Variants in PIK3C2G observed in about 807,000 individuals in gnomAD.
PIK3C2G encodes phosphatidylinositol-4-phosphate 3-kinase catalytic subunit type 2 gamma, also known as phosphatidylinositol 3-kinase C2 domain-containing subunit gamma.
Under a neutral mutation model 181.1 loss-of-function variants are expected in PIK3C2G, and 168 were observed. The observed-to-expected ratio is 0.93, with a 90% confidence interval of 0.82 to 1.05. PIK3C2G has a LOEUF of 1.05. Among genes scored for constraint, PIK3C2G ranks in the 50% least tolerant of loss-of-function variants. The pLI is 0.00. For synonymous variants in PIK3C2G, 573 were observed against 592.2 expected (o/e 0.97, Z 0.47); for missense variants, 1,869 against 1,732.8 (o/e 1.08, Z -1.40).
intron 5 of PIK3C2G, among the ~76,000 whole-genome samples, chr12:18,313,348 T>A (rs1950718676): frequency 6.6e-6 from 1 of 152,178 alleles, no homozygotes; most frequent in South Asian, 2.1e-4. Flanking sequence ...TAGGTATAAT[T>A]CTTTTGTTTA....
chr12:18,528,127 T>G (rs904632385), intron 24 of PIK3C2G, among the ~76,000 whole-genome samples: 5 of 152,168 alleles, frequency 3.3e-5, no homozygotes, highest in Non-Finnish European at 7.3e-5. Context: ...TGTTGCTTAA[T>G]TATCTAATGT....
intron 13 of PIK3C2G, 135 bp downstream of exon 13, chr12:18,371,446 G>A (rs186246799): frequency 9.8e-5 from 68 of 697,048 alleles, no homozygotes; most frequent in African/African-American, 8.1e-4. Flanking sequence ...AATATAAATC[G>A]TGACTGCTGA....
At chr12:18,716,535 G>C in the PIK3C2G span, among the ~76,000 whole-genome samples, 1 of 152,162 alleles carries the variant, frequency 6.6e-6, no homozygotes, top group Non-Finnish European at 1.5e-5. Flanking sequence ...TTTGGAAACA[G>C]AGAAAATTTC....
chr12:18,403,243 G>C (rs370617587), intron 16 of PIK3C2G, among the ~76,000 whole-genome samples: 1 of 152,112 alleles, frequency 6.6e-6, no homozygotes, highest in South Asian at 2.1e-4. Context: ...TTTTAAAGTA[G>C]AAGGTGTTTA....
At position 18,313,977 on chromosome 12, in the gene PIK3C2G, G is replaced by A; in HGVS notation, c.1050G>A (p.Gly350=). The stretch of plus-strand genomic sequence containing the variant: ...CCTCCTTCAGCGACCACTGTTTGGG[G>A]AGCCACAAAATGTTTCAAAAAGATA... ...EEFLQNDHCL[G]SHKMFQKDKS... The change falls in exon 6 of 33, where the codon GGG becomes GGA. Residue 350 remains glycine, a synonymous_variant. Transcript: ENST00000538779. 1 of 1,582,720 alleles carries A rather than the reference G, an allele frequency of 6.3e-7. No homozygotes were observed. Among genetic ancestry groups the A allele is most frequent in the Non-Finnish European group, 8.6e-7 (1 of 1,160,994 alleles).
intron 30 of PIK3C2G, among the ~76,000 whole-genome samples, chr12:18,606,524 A>G (rs1948030770): frequency 6.6e-6 from 1 of 152,108 alleles, no homozygotes; most frequent in African/African-American, 2.4e-5. Flanking sequence ...TTATATTACC[A>G]TTGCAATTGT....
At chr12:18,364,023 T>C (rs1255618909) in intron 12 of PIK3C2G, among the ~76,000 whole-genome samples, 2 of 152,214 alleles carry the variant, frequency 1.3e-5, no homozygotes, top group Admixed American at 6.5e-5. Flanking sequence ...AATTTTTCAG[T>C]AGCTCTCCAA....
chr12:18,488,569 T>C lies in PIK3C2G; in HGVS notation c.2625T>C (p.Leu875=), dbSNP rs777678194. The change falls in exon 19 of 33, where the codon CTT becomes CTC. Residue 875 remains leucine (L), a synonymous_variant. Transcript: ENST00000538779. ...ATGAGTTTTCCAAGGAGCAGAAACT[T>C]ATCAAAATTCTGGGAGATATTGGGG... ...LNDEFSKEQK[L]IKILGDIGER... 9 of 1,577,486 alleles carry C rather than the reference T, an allele frequency of 5.7e-6. No homozygotes were observed. In the African/African-American group the frequency reaches 9.6e-5, roughly 17 times the overall value.
At chr12:18,575,363 A>C (rs989748480) in intron 29 of PIK3C2G, among the ~76,000 whole-genome samples, 8 of 152,222 alleles carry the variant, frequency 5.3e-5, no homozygotes, top group African/African-American at 1.9e-4. Flanking sequence ...AGTCCTCCAG[A>C]AGATCTCAAT....
chr12:18,719,768 T>C, the PIK3C2G span: 1 of 509,852 alleles, frequency 2.0e-6, no homozygotes, highest in Non-Finnish European at 3.2e-6. Flanking sequence ...ATATTAATAC[T>C]ATATTTATGT....
intron 4 of PIK3C2G, 47 bp from the exon 5 acceptor site, chr12:18,293,854 T>C (rs1159040594): frequency 5.6e-6 from 5 of 895,316 alleles, no homozygotes; most frequent in Non-Finnish European, 7.4e-6. Flanking sequence ...TCCTAGTCAG[T>C]ATATGATACA....
At chr12:18,401,741 C>A (rs1398248535) in intron 16 of PIK3C2G, among the ~76,000 whole-genome samples, 1 of 151,994 alleles carries the variant, frequency 6.6e-6, no homozygotes, top group Non-Finnish European at 1.5e-5. Context: ...TACACAAATG[C>A]CGAACATTTA....
chr12:18,651,445 T>G (rs1040833707), downstream of PIK3C2G, among the ~76,000 whole-genome samples: 47 of 152,218 alleles, frequency 3.1e-4, no homozygotes, highest in Non-Finnish European at 1.6e-4. Flanking sequence ...TTATGTATTT[T>G]GCTTATTATT....
chr12:18,310,291 G>A (rs1397235478), intron 5 of PIK3C2G, among the ~76,000 whole-genome samples: 6 of 151,870 alleles, frequency 4.0e-5, no homozygotes, highest in Non-Finnish European at 7.4e-5. Context: ...GTTATCAACT[G>A]ACCCTTCATC....
At position 18,475,066 on chromosome 12, in the gene PIK3C2G, G is replaced by A. The variant is rs550839738; in HGVS notation, c.2505-13383G>A. Among the ~76,000 whole-genome samples the A allele has an allele frequency of 3.9e-5, 6 of 151,908 alleles. No individual in the cohort carries two copies. In the South Asian group the frequency reaches 1.3e-3, roughly 32 times the overall value. On this transcript the variant is annotated intron_variant, in intron 18 of 32. Transcript: ENST00000538779. ...TCTCATAAGAACACAAGAACCGAAT[G>A]GTCCGGTGTGAAAAGACTTTTCTAA...
intron 18 of PIK3C2G, among the ~76,000 whole-genome samples, chr12:18,439,313 T>C (rs796778770): frequency 6.6e-6 from 1 of 152,016 alleles, no homozygotes; most frequent in Non-Finnish European, 1.5e-5. Flanking sequence ...AGTTGATACA[T>C]GTTTTTGCAT....
intron 18 of PIK3C2G, among the ~76,000 whole-genome samples, chr12:18,454,363 G>C (rs1171219928): frequency 6.6e-6 from 1 of 152,130 alleles, no homozygotes; most frequent in Admixed American, 6.6e-5. Context: ...GAAAAGCACT[G>C]GAGTAAAGAT....
intron 15 of PIK3C2G, among the ~76,000 whole-genome samples, chr12:18,391,668 C>A (rs11044063): frequency 0.13 from 19,673 of 152,090 alleles, 1,322 homozygotes; most frequent in African/African-American, 0.16. Context: ...CTTGTTTTAA[C>A]AGCACAAATT....
chr12:18,614,466 T>C (rs1167534174), intron 31 of PIK3C2G, among the ~76,000 whole-genome samples: 1 of 152,140 alleles, frequency 6.6e-6, no homozygotes, highest in Non-Finnish European at 1.5e-5. Flanking sequence ...TGTTACCAGC[T>C]TTTTCATGAA....
Sources: allele counts gnomAD v4.1 joint callset (sites outside exome capture counted in the v4.1 genomes callset), GRCh38; gene constraint gnomAD v4.1.1; transcripts MANE v1.5; gene names NCBI Gene and HGNC (gene_info 2026-07-23, HGNC 2026-07-21).